MAX: variants seen among roughly 807,000 people sequenced by gnomAD.
MAX encodes the protein protein max.
MAX carries 3 observed loss-of-function variants against 22.3 expected under a neutral mutation model. That is an observed-to-expected ratio of 0.13 (90% CI 0.06 to 0.35). The LOEUF (loss-of-function observed/expected upper bound fraction) is 0.35, where lower values mean the gene tolerates loss of function less well. MAX is among the 10% of genes least tolerant of loss of function. MAX has a pLI of 1.00. For missense variants in MAX, 119 were observed against 209.4 expected, an observed-to-expected ratio of 0.57 and a Z score of 2.66; for synonymous variants, 72 against 77.7, an observed-to-expected ratio of 0.93 and a Z score of 0.39.
chr14:65,102,587 G>A, upstream of MAX: 1 of 1,419,912 alleles, frequency 7.0e-7, no homozygotes, highest in Non-Finnish European at 9.2e-7. Context: ...CGCAGCGCTG[G>A]GGCAGCCGAG....
chr14:65,082,272 G>C lies in MAX; in HGVS notation c.172-4236C>G, dbSNP rs563365274. On this transcript the variant is annotated intron_variant, in intron 3 of 4. Coordinates refer to ENST00000358664, the MANE Select transcript of MAX (RefSeq NM_002382.5). This position sits in a 1 kb window ranked among gnomAD's most constrained non-coding sequence, Gnocchi z 4.8. ...GGACACTGTTGTCATGGAGGGGAAA[G>C]TTGGAGGAGGAAAAGGACTACGAAA... 7.2e-6 allele frequency: 1 copy of C among 138,228 alleles called. No homozygotes were observed. Among genetic ancestry groups the C allele is most frequent in the East Asian group, 2.0e-4 (1 of 4,992 alleles). 8.6% of individuals were successfully genotyped at this position (138,228 alleles called of 1,614,324 possible).
intron 3 of MAX, among the ~76,000 whole-genome samples, chr14:65,041,358 A>C (rs1164641449): frequency 2.0e-5 from 3 of 152,214 alleles, no homozygotes. Context: ...GAGCTGGCTA[A>C]TTGCATTGAG....
Position 65,082,597 on chromosome 14 carries a change from C to G in MAX, c.172-4561G>C, listed in dbSNP as rs2139786923. 6.6e-6 allele frequency among the ~76,000 whole-genome samples: 1 copy of G among 151,942 alleles called. No homozygotes were observed. Among genetic ancestry groups the G allele is most frequent in the African/African-American group, 2.4e-5 (1 of 41,434 alleles). The stretch of plus-strand genomic sequence containing the variant: ...TAGAAAACACAGCAAGACACTTGGG[C>G]TCTATAAAAAAATCAAAAGATTAGC... On this transcript the variant is annotated intron_variant, in intron 3 of 4. Coordinates refer to ENST00000358664, the MANE Select transcript of MAX (RefSeq NM_002382.5). This position sits in a 1 kb window ranked among gnomAD's most constrained non-coding sequence, Gnocchi z 4.8.
At chr14:65,010,387 C>A (rs1198424602) in intron 3 of MAX, among the ~76,000 whole-genome samples, 1 of 152,222 alleles carries the variant, frequency 6.6e-6, no homozygotes, top group African/African-American at 2.4e-5. Context: ...GAATCCCTCT[C>A]CTGAGCCTCA....
chr14:65,077,775 C>G lies in MAX; in HGVS notation c.295+138G>C, dbSNP rs762565214. 1 of 1,613,566 alleles carries G rather than the reference C, an allele frequency of 6.2e-7. No homozygotes were observed. Among genetic ancestry groups the G allele is most frequent in the African/African-American group, 1.3e-5 (1 of 75,052 alleles). On this transcript the variant is annotated intron_variant, in intron 4 of 4. Coordinates refer to ENST00000358664, the MANE Select transcript of MAX (RefSeq NM_002382.5). This position sits in a 1 kb window ranked among gnomAD's most constrained non-coding sequence, Gnocchi z 6.3. The stretch of plus-strand genomic sequence containing the variant: ...AGGACGGCTCTAACACTCAGTTACT[C>G]AGGCCCCAAGAAGCAGGACCAAGCC...
At position 65,011,157 on chromosome 14, in the gene MAX, G is replaced by A. The variant is rs1042204442; in HGVS notation, c.172-4873C>T. Among the ~76,000 whole-genome samples, 21 of 152,280 alleles carry A rather than the reference G, an allele frequency of 1.4e-4. No homozygotes were observed. Among genetic ancestry groups the A allele is most frequent in the African/African-American group, 5.1e-4 (21 of 41,564 alleles). On this transcript the variant is annotated intron_variant, in intron 3 of 3. Coordinates refer to the MAX transcript ENST00000341653. The surrounding 1 kb of genome is among the most constrained non-coding windows in gnomAD (Gnocchi z 4.0). ...AAAGACTACATGAAGGGCTGGGTGC[G>A]GTGGCTCACGCCTGTAATCCCAGCA...
chr14:65,101,832 C>A, intron 1 of MAX: 1 of 573,622 alleles, frequency 1.7e-6, no homozygotes, highest in East Asian at 2.9e-5. Context: ...CTGTCTCCTC[C>A]CTGCAGACCC....
At position 65,061,051 on chromosome 14, in the gene MAX, C is replaced by T. The variant is rs189334593; in HGVS notation, c.171+32657G>A. The T allele has an allele frequency of 8.8e-4, 1,277 of 1,454,038 alleles. 1 individual carries two copies. The highest frequency in any genetic ancestry group is 1.1e-3 in the Non-Finnish European group (1,230 of 1,087,068). 90.1% of individuals were successfully genotyped at this position (1,454,038 alleles called of 1,614,324 possible). On this transcript the variant is annotated intron_variant, in intron 3 of 3. Transcript: ENST00000341653. ...TTTAGCAAATACACCATTTTTGAACCTTTGGGCTTTGTGTGTATCTCTGAT... is the reference window on the plus strand; with the variant it reads ...TTTAGCAAATACACCATTTTTGAACTTTTGGGCTTTGTGTGTATCTCTGAT...
chr14:65,021,726 A>G (rs933944844), intron 3 of MAX, among the ~76,000 whole-genome samples: 3 of 152,202 alleles, frequency 2.0e-5, no homozygotes, highest in African/African-American at 7.2e-5. Flanking sequence ...GCTCACTGCA[A>G]CTTCCACCTT....
chr14:65,052,483 C>T lies in MAX; in HGVS notation c.171+41225G>A, dbSNP rs189236744. ...TCCTATATGTATATATATTTTTAATCGATTTCTATGCAGATGTTTCTGCAC... is the reference window on the plus strand; with the variant it reads ...TCCTATATGTATATATATTTTTAATTGATTTCTATGCAGATGTTTCTGCAC... On this transcript the variant is annotated intron_variant, in intron 3 of 3. Coordinates refer to the MAX transcript ENST00000341653. 1.8e-3 allele frequency among the ~76,000 whole-genome samples: 276 copies of T among 152,240 alleles called. 1 individual carries two copies. The highest frequency in any genetic ancestry group is 5.9e-3 in the African/African-American group (245 of 41,542).
At position 65,077,963 on chromosome 14, in the gene MAX, T is replaced by C. The variant is rs2063104275; in HGVS notation, c.245A>G (p.Gln82Arg). Residue 82 changes from glutamine to arginine, a missense_variant, in exon 4 of 5, where the codon CAG becomes CGG. Gln to Arg is a conservative substitution (Grantham distance 43). Transcript: ENST00000358664. The surrounding 1 kb of genome is among the most constrained non-coding windows in gnomAD (Gnocchi z 6.3). ...CCGCTTGAGGTCGTCAATATCTTGC[T>C]GGTGTGTGTGGTTTTTCCTTCGCAT... ...QYMRRKNHTHQQDIDDLKRQN... is the reference protein window; with the variant it reads ...QYMRRKNHTHRQDIDDLKRQN... 1.2e-6 allele frequency: 2 copies of C among 1,614,106 alleles called. No homozygotes were observed. Among genetic ancestry groups the C allele is most frequent in the Admixed American group, 1.7e-5 (1 of 60,012 alleles).
intron 3 of MAX, among the ~76,000 whole-genome samples, chr14:65,091,147 T>A (rs1249410674): frequency 7.9e-5 from 12 of 152,232 alleles, no homozygotes. Context: ...ATTATTTACA[T>A]AATGTCATAA....
chr14:65,096,558 T>C (rs1420927701), intron 2 of MAX, among the ~76,000 whole-genome samples: 1 of 152,140 alleles, frequency 6.6e-6, no homozygotes, highest in East Asian at 1.9e-4. Flanking sequence ...ATTGGAGGAC[T>C]AGTTTGCAGG....
At chr14:65,039,071 A>G (rs560472099) in intron 3 of MAX, among the ~76,000 whole-genome samples, 1 of 152,136 alleles carries the variant, frequency 6.6e-6, no homozygotes, top group South Asian at 2.1e-4. Flanking sequence ...ACTGTGGTCA[A>G]ATGTCTGGTA....
intron 3 of MAX, among the ~76,000 whole-genome samples, chr14:65,040,283 GTATATA>G (rs570646451): frequency 6.8e-6 from 1 of 147,014 alleles, no homozygotes; most frequent in Non-Finnish European, 1.5e-5. Context: ...ATATATGTGT[GTATATA>G]TATATATGTA....
At chr14:65,061,052 T>A in intron 3 of MAX, 1 of 1,462,644 alleles carries the variant, frequency 6.8e-7, no homozygotes, top group South Asian at 1.4e-5. Flanking sequence ...TTTTTGAACC[T>A]TTGGGCTTTG....
intron 3 of MAX, chr14:65,090,327 C>T (rs554761392): frequency 3.9e-5 from 6 of 152,258 alleles, no homozygotes; most frequent in Middle Eastern, 3.4e-3. Context: ...GTTCTAGCCC[C>T]TGTCCTGTTA....
At chr14:65,091,196 T>C (rs958063440) in intron 3 of MAX, among the ~76,000 whole-genome samples, 10 of 152,196 alleles carry the variant, frequency 6.6e-5, no homozygotes, top group Admixed American at 1.3e-4. Context: ...CTATTTCCTT[T>C]AGTTCAAATA....
At chr14:65,006,174 G>A in exon 4 of MAX, 1 of 1,218,578 alleles carries the variant, frequency 8.2e-7, no homozygotes, top group African/African-American at 2.5e-5. Flanking sequence ...TTTTTTTTTT[G>A]CCACCATTTC....
Sources: allele counts gnomAD v4.1 joint callset (sites outside exome capture counted in the v4.1 genomes callset), GRCh38; gene constraint gnomAD v4.1.1; non-coding constraint Gnocchi (gnomAD v3.1); transcripts MANE v1.5; gene names NCBI Gene and HGNC (gene_info 2026-07-23, HGNC 2026-07-21).